The following GSE1 variants were observed in gnomAD, a reference collection of about 807,000 sequenced individuals.
GSE1 encodes the protein genetic suppressor element 1.
Under a neutral mutation model 112.6 loss-of-function variants are expected in GSE1, and 32 were observed. That is an observed-to-expected ratio of 0.28 (90% CI 0.21 to 0.38). The LOEUF is 0.38. Among genes scored for constraint, GSE1 ranks in the 10% least tolerant of loss-of-function variants. GSE1 has a pLI of 1.00. For missense variants in GSE1, 2,348 were observed against 1,699.2 expected (o/e 1.38, Z -6.71); for synonymous variants, 1,115 against 735.6 (o/e 1.52, Z -8.35).
At chr16:85,413,746 G>C (rs1001871349) in intron 2 of GSE1, among the ~76,000 whole-genome samples, 1 of 152,116 alleles carries the variant, frequency 6.6e-6, no homozygotes, top group African/African-American at 2.4e-5. Flanking sequence ...GGGCAAGGAG[G>C]GTGATATGGT....
intron 2 of GSE1, among the ~76,000 whole-genome samples, chr16:85,639,531 TC>T (rs897183701): frequency 6.2e-4 from 95 of 152,346 alleles, no homozygotes; most frequent in African/African-American, 2.2e-3. Context: ...TGTGTCGGGA[TC>T]CCCCCATCAT....
At chr16:85,671,439 CAAAA>C (rs1159665909) in intron 15 of GSE1, among the ~76,000 whole-genome samples, 10 of 61,326 alleles carry the variant, frequency 1.6e-4, no homozygotes, top group Admixed American at 9.2e-4. Context: ...GACTCCGTCT[CAAAA>C]AAAAAAAAAA....
chr16:85,292,322 G>GT (rs1190367601), intron 1 of GSE1, among the ~76,000 whole-genome samples: 9 of 50,186 alleles, frequency 1.8e-4, no homozygotes, highest in South Asian at 2.4e-3. Context: ...TTGTTTTTTT[G>GT]TTTTTGTTTT....
chr16:85,532,519 C>T (rs2044169664), intron 2 of GSE1, among the ~76,000 whole-genome samples: 1 of 152,330 alleles, frequency 6.6e-6, no homozygotes, highest in South Asian at 2.1e-4. Context: ...GCCTTGGCCT[C>T]CCAGAGTGCC....
intron 2 of GSE1, among the ~76,000 whole-genome samples, chr16:85,642,594 C>CGG (rs1039484043): frequency 7.5e-4 from 115 of 152,340 alleles, no homozygotes; most frequent in African/African-American, 2.6e-3. Context: ...ACACCGGAGC[C>CGG]GTCCCCTAGG....
chr16:85,295,900 C>T (rs1473345769), intron 1 of GSE1, among the ~76,000 whole-genome samples: 1 of 152,070 alleles, frequency 6.6e-6, no homozygotes, highest in Non-Finnish European at 1.5e-5. Flanking sequence ...CCACCGCACC[C>T]AGCCTAACTT....
At chr16:85,242,643 G>C (rs2143941910) in intron 1 of GSE1, among the ~76,000 whole-genome samples, 1 of 152,240 alleles carries the variant, frequency 6.6e-6, no homozygotes, top group African/African-American at 2.4e-5. Flanking sequence ...GGGCTGGATG[G>C]GGACTCTGGA....
intron 1 of GSE1, among the ~76,000 whole-genome samples, chr16:85,564,156 A>C (rs1376076971): frequency 6.6e-6 from 1 of 152,240 alleles, no homozygotes; most frequent in Non-Finnish European, 1.5e-5. Context: ...AACTCTTAGA[A>C]GCATCCTGGC....
intron 2 of GSE1, among the ~76,000 whole-genome samples, chr16:85,404,335 C>A (rs1365938046): frequency 1.2e-5 from 1 of 86,550 alleles, no homozygotes; most frequent in Non-Finnish European, 2.4e-5. Context: ...TCAGGGCCCC[C>A]CGGATAATCC....
intron 2 of GSE1, among the ~76,000 whole-genome samples, chr16:85,521,402 C>T (rs1043355608): frequency 2.0e-5 from 3 of 152,186 alleles, no homozygotes; most frequent in South Asian, 2.1e-4. Context: ...CATCCACTGC[C>T]GTCCTCCCAG....
At chr16:85,468,920 G>A (rs1347694156) in intron 2 of GSE1, among the ~76,000 whole-genome samples, 4 of 152,218 alleles carry the variant, frequency 2.6e-5, no homozygotes, top group South Asian at 4.1e-4. Flanking sequence ...CTTTGCAGGT[G>A]TAATTAATTA....
At chr16:85,398,827 A>C (rs906343568) in intron 2 of GSE1, among the ~76,000 whole-genome samples, 3 of 152,108 alleles carry the variant, frequency 2.0e-5, no homozygotes, top group Admixed American at 6.5e-5. Flanking sequence ...GTGTGGGTGC[A>C]TGTGTACACG....
chr16:85,262,880 C>T (rs1331974503), intron 1 of GSE1, among the ~76,000 whole-genome samples: 2 of 152,226 alleles, frequency 1.3e-5, no homozygotes, highest in African/African-American at 4.8e-5. Context: ...TTCTGCAATT[C>T]AGTGTTAATT....
intron 1 of GSE1, among the ~76,000 whole-genome samples, chr16:85,624,388 C>T (rs1378688687): frequency 1.3e-5 from 2 of 152,198 alleles, no homozygotes; most frequent in Non-Finnish European, 2.9e-5. Flanking sequence ...AGCACAGGTG[C>T]CCTCTGGCTG....
chr16:85,471,294 G>A (rs2050288145), intron 2 of GSE1, among the ~76,000 whole-genome samples: 2 of 152,242 alleles, frequency 1.3e-5, no homozygotes, highest in Non-Finnish European at 1.5e-5. Flanking sequence ...CTTATTTCAT[G>A]TGAGGATTTC....
At chr16:85,307,493 C>T (rs540625817) in intron 1 of GSE1, among the ~76,000 whole-genome samples, 7 of 152,316 alleles carry the variant, frequency 4.6e-5, no homozygotes, top group South Asian at 4.1e-4. Flanking sequence ...TTAAGTCAGC[C>T]AAGGGGAGGG....
At chr16:85,342,906 A>G (rs1349318201) in intron 1 of GSE1, among the ~76,000 whole-genome samples, 1 of 150,218 alleles carries the variant, frequency 6.7e-6, no homozygotes, top group Non-Finnish European at 1.5e-5. Flanking sequence ...CCATTTGTGC[A>G]TGAAGAGGGG....
intron 2 of GSE1, among the ~76,000 whole-genome samples, chr16:85,506,713 G>A (rs985124286): frequency 1.3e-5 from 2 of 151,950 alleles, no homozygotes; most frequent in Non-Finnish European, 2.9e-5. Flanking sequence ...AACTGCTAAC[G>A]TCGATTAGCC....
intron 2 of GSE1, among the ~76,000 whole-genome samples, chr16:85,375,027 C>G (rs2047388550): frequency 6.6e-6 from 1 of 152,204 alleles, no homozygotes. Flanking sequence ...GGCGCAGCCA[C>G]TCGCTGCTGT....
Sources: allele counts gnomAD v4.1 joint callset (sites outside exome capture counted in the v4.1 genomes callset), GRCh38; gene constraint gnomAD v4.1.1; transcripts MANE v1.5; gene names NCBI Gene and HGNC (gene_info 2026-07-23, HGNC 2026-07-21).